The following RSRC1 variants were observed in gnomAD, a reference collection of about 807,000 sequenced individuals.
The protein encoded by RSRC1 is arginine and serine rich coiled-coil 1, also known as serine/Arginine-related protein 53.
RSRC1 carries 39 observed loss-of-function variants against 49.1 expected under a neutral mutation model. That is an observed-to-expected ratio of 0.79 (90% CI 0.61 to 1.04). The LOEUF is 1.04. RSRC1 is among the 50% of genes least tolerant of loss of function. The probability of loss-of-function intolerance (pLI) is 0.00; values close to 1 mark genes in which losing one functional copy is unlikely to be tolerated. For synonymous variants in RSRC1, 143 were observed against 130.8 expected, an observed-to-expected ratio of 1.09 and a Z score of -0.63; for missense variants, 388 against 402.4, an observed-to-expected ratio of 0.96 and a Z score of 0.31.
chr3:158,300,657 G>A (rs899570769), intron 5 of RSRC1, among the ~76,000 whole-genome samples: 2 of 152,076 alleles, frequency 1.3e-5, no homozygotes. Flanking sequence ...AAATAGATCA[G>A]TGTTAAAAAA....
chr3:158,454,891 T>C (rs1274961216), intron 6 of RSRC1, among the ~76,000 whole-genome samples: 1 of 152,104 alleles, frequency 6.6e-6, no homozygotes, highest in Non-Finnish European at 1.5e-5. Flanking sequence ...TACTGGTAGG[T>C]TGTCATGACT....
intron 4 of RSRC1, among the ~76,000 whole-genome samples, chr3:158,287,453 A>G (rs1301315744): frequency 6.6e-6 from 1 of 152,136 alleles, no homozygotes; most frequent in African/African-American, 2.4e-5. Flanking sequence ...CAGTTCTCCA[A>G]GTGAAATAAA....
chr3:158,246,415 C>T (rs1307188597), intron 4 of RSRC1, among the ~76,000 whole-genome samples: 1 of 151,274 alleles, frequency 6.6e-6, no homozygotes, highest in Non-Finnish European at 1.5e-5. Flanking sequence ...AAAAGGATAG[C>T]ATTGTTATGT....
intron 6 of RSRC1, among the ~76,000 whole-genome samples, chr3:158,384,777 C>A (rs1434679022): frequency 1.3e-5 from 2 of 152,116 alleles, no homozygotes; most frequent in African/African-American, 4.8e-5. Flanking sequence ...TAATTATTGT[C>A]CCTTCAGTGT....
intron 4 of RSRC1, among the ~76,000 whole-genome samples, chr3:158,248,187 A>G (rs2108007803): frequency 6.6e-6 from 1 of 152,274 alleles, no homozygotes; most frequent in Middle Eastern, 3.4e-3. Context: ...GCAACCACTA[A>G]TGTGCCTGCC....
At chr3:158,376,634 T>C (rs964721085) in intron 6 of RSRC1, among the ~76,000 whole-genome samples, 5 of 152,200 alleles carry the variant, frequency 3.3e-5, no homozygotes, top group African/African-American at 1.2e-4. Context: ...GTCATAGGGC[T>C]CATCTCCGTT....
intron 6 of RSRC1, among the ~76,000 whole-genome samples, chr3:158,407,087 A>G (rs78203521): frequency 6.6e-6 from 1 of 152,270 alleles, no homozygotes; most frequent in African/African-American, 2.4e-5. Context: ...CTGTATAACC[A>G]GTAGCATTTT....
At chr3:158,370,279 T>C (rs1731995725) in intron 6 of RSRC1, among the ~76,000 whole-genome samples, 1 of 151,982 alleles carries the variant, frequency 6.6e-6, no homozygotes, top group South Asian at 2.1e-4. Flanking sequence ...TTAAACATGA[T>C]AAAATTCCCC....
Position 158,148,674 on chromosome 3 carries a change from AG to A in RSRC1, c.320+24684del, listed in dbSNP as rs202177599. Among the ~76,000 whole-genome samples, 1,159 of 152,230 alleles carry A rather than the reference AG, an allele frequency of 7.6e-3. 14 individuals are homozygous for A. The highest frequency in any genetic ancestry group is 0.027 in the African/African-American group (1,101 of 41,520). ...TTTGTGAGTTGATTCTGCTGAGGGAAGAGTTAAGAAAGAAAAGCAAAAAATA... is the reference window on the plus strand; with the variant it reads ...TTTGTGAGTTGATTCTGCTGAGGGAAAGTTAAGAAAGAAAAGCAAAAAATA... On this transcript the variant is annotated intron_variant, in intron 3 of 9. Transcript: ENST00000611884.
chr3:158,258,557 CCTT>C (rs1259688503), intron 4 of RSRC1, among the ~76,000 whole-genome samples: 11 of 152,040 alleles, frequency 7.2e-5, no homozygotes, highest in African/African-American at 2.4e-4. Context: ...TGTTCTATAA[CCTT>C]CTTGTTCTTG....
intron 3 of RSRC1, among the ~76,000 whole-genome samples, chr3:158,197,229 G>A (rs1266686107): frequency 6.6e-6 from 1 of 152,108 alleles, no homozygotes; most frequent in East Asian, 1.9e-4. Flanking sequence ...TTTAGTCTTG[G>A]GAGGGTGTAT....
intron 3 of RSRC1, among the ~76,000 whole-genome samples, chr3:158,129,049 A>G (rs1715817129): frequency 6.6e-6 from 1 of 152,108 alleles, no homozygotes; most frequent in Non-Finnish European, 1.5e-5. Context: ...CTGTGAAGTT[A>G]CTATCTTTCC....
At chr3:158,142,226 T>C (rs1237849008) in intron 3 of RSRC1, among the ~76,000 whole-genome samples, 3 of 152,260 alleles carry the variant, frequency 2.0e-5, no homozygotes, top group African/African-American at 7.2e-5. Flanking sequence ...ATTGTAGATT[T>C]TTGTTTCTTT....
intron 3 of RSRC1, among the ~76,000 whole-genome samples, chr3:158,141,811 T>A (rs373930976): frequency 3.9e-5 from 6 of 152,278 alleles, no homozygotes; most frequent in Admixed American, 1.3e-4. Flanking sequence ...TATCTAAGAT[T>A]TCTCGGCCAG....
intron 5 of RSRC1, among the ~76,000 whole-genome samples, chr3:158,323,687 C>A (rs886971518): frequency 6.6e-6 from 1 of 152,194 alleles, no homozygotes; most frequent in Admixed American, 6.5e-5. Flanking sequence ...GCTGTTCTTA[C>A]TAGATAAAGT....
At chr3:158,447,423 C>G (rs967349273) in intron 6 of RSRC1, among the ~76,000 whole-genome samples, 1 of 151,956 alleles carries the variant, frequency 6.6e-6, no homozygotes, top group African/African-American at 2.4e-5. Flanking sequence ...ATCTTTCTGA[C>G]TTCATAATTA....
intron 6 of RSRC1, among the ~76,000 whole-genome samples, chr3:158,435,840 A>C (rs1478483414): frequency 6.6e-6 from 1 of 151,770 alleles, no homozygotes; most frequent in Non-Finnish European, 1.5e-5. Context: ...TAACTAGAAG[A>C]TGTGTGTTTT....
chr3:158,522,207 T>G (rs1439301713), intron 7 of RSRC1, among the ~76,000 whole-genome samples: 1 of 152,172 alleles, frequency 6.6e-6, no homozygotes, highest in East Asian at 1.9e-4. Flanking sequence ...GATTTCAGTC[T>G]TCTCCAAAAT....
At chr3:158,425,836 T>C (rs1015251781) in intron 6 of RSRC1, among the ~76,000 whole-genome samples, 10 of 151,948 alleles carry the variant, frequency 6.6e-5, no homozygotes, top group African/African-American at 1.9e-4. Flanking sequence ...TCATATTGAA[T>C]AGCAAATTGC....
Sources: gnomAD v4.1 joint callset for allele counts (sites outside exome capture counted in the v4.1 genomes callset) on GRCh38, gnomAD v4.1.1 for gene constraint, MANE v1.5 for transcripts, NCBI Gene and HGNC (gene_info 2026-07-23, HGNC 2026-07-21) for gene names.